Variants in LSAMP observed in about 807,000 individuals in gnomAD.
The protein encoded by LSAMP is limbic system associated membrane protein.
Under a neutral mutation model 38.6 loss-of-function variants are expected in LSAMP, and 7 were observed. The ratio of observed to expected loss-of-function variants is 0.18; its 90% CI spans 0.10 to 0.34. LSAMP has a LOEUF of 0.34. LSAMP is among the 10% of genes least tolerant of loss of function. The probability of loss-of-function intolerance (pLI) is 1.00; values close to 1 mark genes in which losing one functional copy is unlikely to be tolerated. For missense variants in LSAMP, 313 were observed against 420.0 expected (o/e 0.75, Z 2.23); for synonymous variants, 154 against 166.8 (o/e 0.92, Z 0.59).
chr3:116,098,452 T>C (rs565937142), intron 1 of LSAMP, among the ~76,000 whole-genome samples: 21 of 152,244 alleles, frequency 1.4e-4, no homozygotes, highest in African/African-American at 3.9e-4. Context: ...TAAGCCAAGA[T>C]TGCGCCATTG....
intron 1 of LSAMP, among the ~76,000 whole-genome samples, chr3:116,353,927 C>T (rs2048183834): frequency 6.6e-6 from 1 of 152,062 alleles, no homozygotes; most frequent in Non-Finnish European, 1.5e-5. Context: ...TCTAAGATTT[C>T]CCAATTGCCT....
chr3:116,108,533 G>A lies in LSAMP; in HGVS notation c.156-21977C>T, dbSNP rs140639784. Among the ~76,000 whole-genome samples, 170 of 152,270 alleles carry A rather than the reference G, an allele frequency of 1.1e-3. 1 individual carries two copies. Among genetic ancestry groups the A allele is most frequent in the Middle Eastern group, 6.8e-3 (2 of 294 alleles). On this transcript the variant is annotated intron_variant, in intron 1 of 6. Coordinates refer to ENST00000490035, the MANE Select transcript of LSAMP (RefSeq NM_002338.5). Reference sequence around the variant, plus strand: ...CTGTGAGAGTTACCTGAAGCTCGGCGTCCGTGATGGTCTACGGTGTTTCCG... The same window carrying A: ...CTGTGAGAGTTACCTGAAGCTCGGCATCCGTGATGGTCTACGGTGTTTCCG...
chr3:116,177,714 A>G (rs1027831687), intron 1 of LSAMP, among the ~76,000 whole-genome samples: 2 of 152,192 alleles, frequency 1.3e-5, no homozygotes, highest in African/African-American at 4.8e-5. Flanking sequence ...TGGTATTTTT[A>G]TCAGGTTTCT....
intron 3 of LSAMP, among the ~76,000 whole-genome samples, chr3:115,978,123 C>T (rs1939245993): frequency 1.3e-5 from 2 of 152,110 alleles, no homozygotes; most frequent in East Asian, 1.9e-4. Context: ...ATCCTTTCAC[C>T]TCAGCCTGTA....
intron 1 of LSAMP, among the ~76,000 whole-genome samples, chr3:116,346,464 G>C (rs548184430): frequency 2.0e-5 from 3 of 152,020 alleles, no homozygotes; most frequent in African/African-American, 7.2e-5. Context: ...CAGTAGCTGA[G>C]ACCACAGACG....
intron 1 of LSAMP, among the ~76,000 whole-genome samples, chr3:116,399,982 C>T (rs1356614212): frequency 6.6e-6 from 1 of 152,168 alleles, no homozygotes; most frequent in African/African-American, 2.4e-5. Context: ...AGTTGCAAAA[C>T]TGATGTTTAA....
intron 1 of LSAMP, among the ~76,000 whole-genome samples, chr3:116,271,769 A>G (rs2046977115): frequency 6.6e-6 from 1 of 152,074 alleles, no homozygotes; most frequent in African/African-American, 2.4e-5. Flanking sequence ...TTAGTCTAAA[A>G]GAGAAGCTGC....
chr3:116,081,550 T>TTA (rs1269989587), intron 2 of LSAMP, among the ~76,000 whole-genome samples: 1 of 152,176 alleles, frequency 6.6e-6, no homozygotes. Context: ...CATTTTAGAT[T>TTA]TATATATATT....
At chr3:116,010,817 C>T (rs1436476691) in intron 3 of LSAMP, among the ~76,000 whole-genome samples, 1 of 152,110 alleles carries the variant, frequency 6.6e-6, no homozygotes, top group Non-Finnish European at 1.5e-5. Context: ...TTGTAATTTT[C>T]TTTCTATTCA....
intron 1 of LSAMP, among the ~76,000 whole-genome samples, chr3:116,127,270 T>C (rs922090755): frequency 2.0e-5 from 3 of 152,192 alleles, no homozygotes; most frequent in African/African-American, 2.4e-5. Context: ...ACTGATCTGA[T>C]TGTTTTAATA....
intron 3 of LSAMP, among the ~76,000 whole-genome samples, chr3:115,916,737 A>C (rs1937259879): frequency 6.6e-6 from 1 of 152,228 alleles, no homozygotes; most frequent in Non-Finnish European, 1.5e-5. Flanking sequence ...AGTAGATACT[A>C]TTCTTCTATT....
chr3:116,167,935 T>A (rs1710099449), intron 1 of LSAMP, among the ~76,000 whole-genome samples: 1 of 151,882 alleles, frequency 6.6e-6, no homozygotes. Context: ...GAGAGTAAAG[T>A]AGCAAGTACT....
chr3:116,057,695 A>G (rs1941514027), intron 2 of LSAMP, among the ~76,000 whole-genome samples: 1 of 152,176 alleles, frequency 6.6e-6, no homozygotes, highest in East Asian at 1.9e-4. Flanking sequence ...TGTATGCAGA[A>G]GCACTTAGGT....
At chr3:116,134,778 A>C (rs1041006936) in intron 1 of LSAMP, among the ~76,000 whole-genome samples, 2 of 152,158 alleles carry the variant, frequency 1.3e-5, no homozygotes, top group African/African-American at 2.4e-5. Context: ...CTTTGAGATC[A>C]TAAGATCCAT....
chr3:116,158,946 CAAAAA>C (rs905571260), intron 1 of LSAMP, among the ~76,000 whole-genome samples: 181 of 151,628 alleles, frequency 1.2e-3, no homozygotes, highest in African/African-American at 4.1e-3. Context: ...CAAAACAAAA[CAAAAA>C]ACAAAGCTGG....
intron 1 of LSAMP, among the ~76,000 whole-genome samples, chr3:116,243,970 T>A (rs1206406742): frequency 6.6e-6 from 1 of 152,186 alleles, no homozygotes; most frequent in Non-Finnish European, 1.5e-5. Context: ...TTGGCAAATC[T>A]TTTATTTCTC....
chr3:116,126,707 C>A (rs527655328), intron 1 of LSAMP, among the ~76,000 whole-genome samples: 1 of 152,082 alleles, frequency 6.6e-6, no homozygotes, highest in Non-Finnish European at 1.5e-5. Context: ...ACTAAAAATA[C>A]AAAAATTAGC....
chr3:116,204,364 T>C (rs1559781695), intron 1 of LSAMP, among the ~76,000 whole-genome samples: 1 of 152,196 alleles, frequency 6.6e-6, no homozygotes, highest in Non-Finnish European at 1.5e-5. Context: ...CTGTTCACTC[T>C]GATGGTAGTT....
intron 3 of LSAMP, among the ~76,000 whole-genome samples, chr3:116,008,765 T>C (rs1940239913): frequency 6.6e-6 from 1 of 152,124 alleles, no homozygotes; most frequent in African/African-American, 2.4e-5. Flanking sequence ...GTTACCAGAT[T>C]GGTAGGAACG....
Sources: allele counts gnomAD v4.1 joint callset (sites outside exome capture counted in the v4.1 genomes callset), GRCh38; gene constraint gnomAD v4.1.1; transcripts MANE v1.5; gene names NCBI Gene and HGNC (gene_info 2026-07-23, HGNC 2026-07-21).